The following RAB11FIP4 variants were observed in gnomAD, a reference collection of about 807,000 sequenced individuals.
RAB11FIP4 encodes RAB11 family interacting protein 4, also known as rab11 family-interacting protein 4.
In RAB11FIP4, 23 loss-of-function variants were observed where a neutral mutation model predicts 74.3. The observed-to-expected ratio is 0.31, with a 90% confidence interval of 0.22 to 0.44. RAB11FIP4 has a LOEUF of 0.44. Among genes scored for constraint, RAB11FIP4 ranks in the 20% least tolerant of loss-of-function variants. The pLI is 1.00. For synonymous variants in RAB11FIP4, 360 were observed against 359.9 expected (o/e 1.00, Z 0.00); for missense variants, 630 against 863.9 (o/e 0.73, Z 3.39).
chr17:31,460,898 G>A (rs1379547812), intron 3 of RAB11FIP4, among the ~76,000 whole-genome samples: 1 of 152,038 alleles, frequency 6.6e-6, no homozygotes, highest in East Asian at 1.9e-4. Flanking sequence ...GCCCGGCCAT[G>A]TGTGTATTTT....
chr17:31,437,165 G>A (rs917705206), intron 3 of RAB11FIP4, among the ~76,000 whole-genome samples: 1 of 152,162 alleles, frequency 6.6e-6, no homozygotes, highest in African/African-American at 2.4e-5. Flanking sequence ...GGACACAGTG[G>A]CAGCCTTGTT....
rs932438324 is a variant in RAB11FIP4, at chr17:31,411,091, C to T, written c.159+19080C>T. 1.1e-4 allele frequency among the ~76,000 whole-genome samples: 17 copies of T among 152,058 alleles called. 1 individual carries two copies. Among genetic ancestry groups the T allele is most frequent in the Middle Eastern group, 3.4e-3 (1 of 292 alleles). Reference sequence around the variant, plus strand: ...CAAACCTCACTTTCCAGGCCGGGCGCGGTGGCTCACGCCTGTAATCCCAGC... The same window carrying T: ...CAAACCTCACTTTCCAGGCCGGGCGTGGTGGCTCACGCCTGTAATCCCAGC... On this transcript the variant is annotated intron_variant, in intron 1 of 14. Coordinates refer to ENST00000621161, the MANE Select transcript of RAB11FIP4 (RefSeq NM_032932.6).
chr17:31,437,205 C>G (rs1449395273), intron 3 of RAB11FIP4, among the ~76,000 whole-genome samples: 3 of 152,112 alleles, frequency 2.0e-5, no homozygotes, highest in Non-Finnish European at 4.4e-5. Flanking sequence ...GCTTGGTTGA[C>G]CTGGACTCCA....
chr17:31,438,676 A>C (rs1039348248), intron 3 of RAB11FIP4, among the ~76,000 whole-genome samples: 1 of 152,104 alleles, frequency 6.6e-6, no homozygotes, highest in African/African-American at 2.4e-5. Flanking sequence ...ACCATGGTGC[A>C]TCTCACACCT....
Position 31,391,888 on chromosome 17 carries a change from G to A in RAB11FIP4, c.36G>A (p.Ala12=). 3.3e-6 allele frequency: 4 copies of A among 1,212,192 alleles called. No individual in the cohort carries two copies. Among genetic ancestry groups the A allele is most frequent in the Non-Finnish European group, 4.1e-6 (4 of 977,454 alleles). The allele number at this position is 1,212,192 out of a possible 1,614,324, so 75.1% of individuals were successfully genotyped here. A position where few individuals can be genotyped will look rare whatever the true frequency, so the allele number is the denominator to read the frequency against. The change falls in exon 1 of 15, where the codon GCG becomes GCA. Residue 12 remains alanine, a synonymous_variant. Transcript: ENST00000621161. ...AGGAGWSGAP[A]ALLRSVRRLR... ...GCGCGGGCTGGTCGGGCGCCCCCGC[G>A]GCTCTGCTGCGCTCCGTGCGCCGCC... is the stretch of plus-strand genomic sequence containing the variant.
In RAB11FIP4 at chr17:31,434,079, G is replaced by A. The variant is rs866616887; in HGVS notation, c.293G>A (p.Gly98Glu). ...LKDVLSVESAGTLPCAPEIPD... is the reference protein window; with the variant it reads ...LKDVLSVESAETLPCAPEIPD... ...GATGTGCTGTCGGTGGAGAGCGCGGGGACGCTGCCGTGCGCGCCAGAGATC... is the reference window on the plus strand; with the variant it reads ...GATGTGCTGTCGGTGGAGAGCGCGGAGACGCTGCCGTGCGCGCCAGAGATC... Residue 98 changes from glycine to glutamate, a missense_variant, in exon 3 of 15, where the codon GGG (glycine) becomes GAG (glutamate). Transcript: ENST00000621161. The A allele has an allele frequency of 1.3e-6, 2 of 1,586,948 alleles. No individual in the cohort carries two copies. Among genetic ancestry groups the A allele is most frequent in the South Asian group, 1.1e-5 (1 of 87,414 alleles).
chr17:31,456,419 C>T (rs2071579347), intron 3 of RAB11FIP4, among the ~76,000 whole-genome samples: 1 of 152,186 alleles, frequency 6.6e-6, no homozygotes, highest in Admixed American at 6.5e-5. Flanking sequence ...GTTGCCCAGG[C>T]TTGTCTCGAA....
intron 10 of RAB11FIP4, chr17:31,525,504 G>T: frequency 2.2e-6 from 1 of 463,700 alleles, no homozygotes; most frequent in Non-Finnish European, 3.8e-6. Flanking sequence ...CCTGGGCTGG[G>T]TCTCACATCC....
chr17:31,419,771 C>G (rs1041348543), intron 1 of RAB11FIP4, among the ~76,000 whole-genome samples: 1 of 151,990 alleles, frequency 6.6e-6, no homozygotes, highest in Non-Finnish European at 1.5e-5. Context: ...AGGATGGTCT[C>G]GATCTCCTGA....
chr17:31,456,046 C>G (rs1197787668), intron 3 of RAB11FIP4, among the ~76,000 whole-genome samples: 1 of 152,188 alleles, frequency 6.6e-6, no homozygotes, highest in Non-Finnish European at 1.5e-5. Context: ...ATTATCTATC[C>G]TAATACCAAG....
chr17:31,528,914 C>G (rs2074150), intron 13 of RAB11FIP4, 136 bp downstream of exon 13: 360,025 of 993,400 alleles, frequency 0.36, 67,064 homozygotes, highest in African/African-American at 0.54. Context: ...ACCTGTTTGC[C>G]AGGGCTGACT....
At chr17:31,488,407 C>T (rs1246413644) in intron 3 of RAB11FIP4, 3 of 973,556 alleles carry the variant, frequency 3.1e-6, no homozygotes, top group Non-Finnish European at 3.7e-6. Context: ...CCATCTCGTT[C>T]GGCCGCGAGT....
intron 3 of RAB11FIP4, among the ~76,000 whole-genome samples, chr17:31,459,828 C>A (rs2071617856): frequency 6.6e-6 from 1 of 151,648 alleles, no homozygotes; most frequent in South Asian, 2.1e-4. Flanking sequence ...GTGGGTTGTG[C>A]CCCAGAGGGG....
intron 1 of RAB11FIP4, among the ~76,000 whole-genome samples, chr17:31,419,919 C>A (rs575019476): frequency 6.6e-6 from 1 of 152,090 alleles, no homozygotes; most frequent in Non-Finnish European, 1.5e-5. Flanking sequence ...CCCCATAAAA[C>A]GAGTTGGGAA....
In RAB11FIP4 at chr17:31,536,999, T is replaced by C. The variant is rs2072976629; in HGVS notation, c.*5267T>C. 2.5e-6 allele frequency: 1 copy of C among 399,128 alleles called. No homozygotes were observed. Among genetic ancestry groups the C allele is most frequent in the African/African-American group, 2.1e-5 (1 of 48,648 alleles). 24.7% of individuals were successfully genotyped at this position (399,128 alleles called of 1,614,324 possible). A position where few individuals can be genotyped will look rare whatever the true frequency, so the allele number is the denominator to read the frequency against. ...CTGCCCCGGAGCTACCAGCTGGGGA[T>C]GGCATCCAGGCCATGTCTCCTGCAG... On this transcript the variant is annotated 3_prime_UTR_variant, in exon 15 of 15. Coordinates refer to ENST00000621161, the MANE Select transcript of RAB11FIP4 (RefSeq NM_032932.6).
chr17:31,504,809 A>C (rs1430129433), intron 3 of RAB11FIP4, among the ~76,000 whole-genome samples: 1 of 152,160 alleles, frequency 6.6e-6, no homozygotes, highest in East Asian at 1.9e-4. Context: ...GGATCTAATC[A>C]AGGATAATAT....
chr17:31,515,533 A>G (rs904701200), intron 3 of RAB11FIP4, among the ~76,000 whole-genome samples: 5 of 151,724 alleles, frequency 3.3e-5, no homozygotes, highest in Admixed American at 1.3e-4. Context: ...CACTGGTAGC[A>G]GCAGACGGCT....
chr17:31,505,461 AAC>A (rs1194490918), intron 3 of RAB11FIP4, among the ~76,000 whole-genome samples: 1 of 82,568 alleles, frequency 1.2e-5, no homozygotes, highest in East Asian at 2.4e-4. Flanking sequence ...TAATTATTAT[AAC>A]ATATAATAAT....
chr17:31,424,647 C>T (rs2071230874), intron 1 of RAB11FIP4, among the ~76,000 whole-genome samples: 1 of 150,126 alleles, frequency 6.7e-6, no homozygotes, highest in African/African-American at 2.5e-5. Context: ...ACGATCTCGG[C>T]TCACTGCAAC....
Sources: allele counts gnomAD v4.1 joint callset (sites outside exome capture counted in the v4.1 genomes callset), GRCh38; gene constraint gnomAD v4.1.1; transcripts MANE v1.5; gene names NCBI Gene and HGNC (gene_info 2026-07-23, HGNC 2026-07-21).